Variants in EMP1 observed in about 807,000 individuals in gnomAD.
EMP1 encodes epithelial membrane protein 1, also known as tumor-associated membrane protein.
EMP1 carries 5 observed loss-of-function variants against 15.7 expected under a neutral mutation model. That is an observed-to-expected ratio of 0.32 (90% CI 0.17 to 0.67). The LOEUF is 0.67. Among genes scored for constraint, EMP1 ranks in the 30% least tolerant of loss-of-function variants. The pLI, the probability that EMP1 is intolerant of heterozygous loss-of-function variation, is 0.74. For missense variants in EMP1, 166 were observed against 194.2 expected (o/e 0.85, Z 0.86); for synonymous variants, 78 against 76.7 (o/e 1.02, Z -0.09).
intron 1 of EMP1, among the ~76,000 whole-genome samples, chr12:13,207,703 G>T (rs1164586345): frequency 1.3e-5 from 2 of 152,090 alleles, no homozygotes; most frequent in African/African-American, 4.8e-5. Flanking sequence ...GCCCCTAACT[G>T]CCCCTGTGCC....
Position 13,211,667 on chromosome 12 carries a change from G to A in EMP1, c.78+79G>A. 6.6e-7 allele frequency: 1 copy of A among 1,526,276 alleles called. No individual in the cohort carries two copies. The highest frequency in any genetic ancestry group is 1.1e-5 in the South Asian group (1 of 88,594). The allele number at this position is 1,526,276 out of a possible 1,614,324, so 94.5% of individuals were successfully genotyped here. On this transcript the variant is annotated intron_variant, in intron 2 of 4. Transcript: ENST00000256951. The surrounding 1 kb of genome is among the most constrained non-coding windows in gnomAD (Gnocchi z 4.7). Reference sequence around the variant, plus strand: ...CATCAAGTGCACAAAAGAAGTTTAAGCCACAGCCCTTGCCCTTCATGAACT... The same window carrying A: ...CATCAAGTGCACAAAAGAAGTTTAAACCACAGCCCTTGCCCTTCATGAACT...
rs972007785 is a variant in EMP1 at position 13,211,417 on chromosome 12, G to A, written c.-42-52G>A. On this transcript the variant is annotated intron_variant, in intron 1 of 4. Transcript: ENST00000256951. This position sits in a 1 kb window ranked among gnomAD's most constrained non-coding sequence, Gnocchi z 4.7. The stretch of plus-strand genomic sequence containing the variant: ...CCCACACGTGTGGGAAAGCTGAGTC[G>A]TCTTATTGAATCTGACAGTAACCGT... The A allele has an allele frequency of 1.5e-5, 20 of 1,291,286 alleles. No individual in the cohort carries two copies. The highest frequency in any genetic ancestry group is 1.8e-4 in the Middle Eastern group (1 of 5,452). The allele number at this position is 1,291,286 out of a possible 1,614,324, so 80.0% of individuals were successfully genotyped here.
intron 2 of EMP1, among the ~76,000 whole-genome samples, chr12:13,212,517 C>T (rs1037772572): frequency 2.0e-5 from 3 of 152,206 alleles, no homozygotes; most frequent in East Asian, 3.8e-4. Flanking sequence ...AGACAACCCC[C>T]GCCCACGTGA....
At chr12:13,213,914 A>G (rs543426840) in intron 4 of EMP1, 93 bp downstream of exon 4, 23 of 1,550,518 alleles carry the variant, frequency 1.5e-5, no homozygotes, top group South Asian at 3.3e-5. Context: ...CACATGGTTC[A>G]GTGAAACTTC....
intron 1 of EMP1, among the ~76,000 whole-genome samples, chr12:13,203,337 G>A (rs1019805004): frequency 3.3e-5 from 5 of 152,300 alleles, no homozygotes; most frequent in African/African-American, 7.2e-5. Flanking sequence ...AGGGAACATC[G>A]CCTGATCCCT....
At chr12:13,200,488 C>T (rs1467955566) in intron 1 of EMP1, among the ~76,000 whole-genome samples, 2 of 152,196 alleles carry the variant, frequency 1.3e-5, no homozygotes, top group African/African-American at 4.8e-5. Context: ...TTCTAATACT[C>T]TTCCCAGATC....
chr12:13,211,807 T>G lies in EMP1; in HGVS notation c.78+219T>G. On this transcript the variant is annotated intron_variant, in intron 2 of 4. Coordinates refer to ENST00000256951, the MANE Select transcript of EMP1 (RefSeq NM_001423.3). The surrounding 1 kb of genome is among the most constrained non-coding windows in gnomAD (Gnocchi z 4.7). ...GTAATCCTGCCAGAGCTGTAGGTGG[T>G]TAAGGGCTGGAGGATCTAGTGCAGC... The G allele has an allele frequency of 1.8e-6, 1 of 571,348 alleles. No homozygotes were observed. Among genetic ancestry groups the G allele is most frequent in the Non-Finnish European group, 3.1e-6 (1 of 325,200 alleles). 35.4% of individuals were successfully genotyped at this position (571,348 alleles called of 1,614,324 possible).
chr12:13,201,567 C>T (rs1043386752), intron 1 of EMP1, among the ~76,000 whole-genome samples: 2 of 152,108 alleles, frequency 1.3e-5, no homozygotes, highest in Admixed American at 1.3e-4. Context: ...AATAGGGCAA[C>T]GTGTGGCATT....
intron 1 of EMP1, among the ~76,000 whole-genome samples, chr12:13,210,144 T>A (rs1864151723): frequency 6.6e-6 from 1 of 152,204 alleles, no homozygotes; most frequent in African/African-American, 2.4e-5. Context: ...AGTGTTGGAA[T>A]TATAGTATCA....
At chr12:13,198,793 A>G (rs910436513) in intron 1 of EMP1, among the ~76,000 whole-genome samples, 7 of 152,248 alleles carry the variant, frequency 4.6e-5, no homozygotes, top group Non-Finnish European at 8.8e-5. Context: ...AATATGCTAC[A>G]TGTTACTTCC....
Position 13,213,484 on chromosome 12 carries a change from G to A in EMP1, c.84G>A (p.Trp28Ter), listed in dbSNP as rs1307879296. The change falls in exon 3 of 5, where the codon TGG becomes TGA. Residue 28 changes from tryptophan (W) to a stop codon, truncating the protein, a stop_gained. Transcript: ENST00000256951. LOFTEE classifies it high-confidence loss of function. ...MLFVSTIANV[W>*]LVSNTVDASV... ...TTCTTTCCTTCTGGTTTCAGGTCTG[G>A]TTGGTTTCCAATACGGTAGATGCAT... The A allele has an allele frequency of 5.0e-6, 8 of 1,614,122 alleles. No individual in the cohort carries two copies. Among genetic ancestry groups the A allele is most frequent in the Non-Finnish European group, 6.8e-6 (8 of 1,179,992 alleles).
At position 13,217,904 on chromosome 12, in the gene EMP1, C is replaced by G. The variant is rs1864228709; in HGVS notation, c.*3213C>G. Reference sequence around the variant, plus strand: ...AGCCCAAAGTCTGCAAGGGGTGGGCCAGCAGAGAGCTGGTGCTACAGTGCG... The same window carrying G: ...AGCCCAAAGTCTGCAAGGGGTGGGCGAGCAGAGAGCTGGTGCTACAGTGCG... On this transcript the variant is annotated 3_prime_UTR_variant, in exon 5 of 5. Transcript: ENST00000256951. The G allele has an allele frequency of 6.6e-6, 1 of 152,092 alleles. No homozygotes were observed. The highest frequency in any genetic ancestry group is 2.4e-5 in the African/African-American group (1 of 41,428). The allele number at this position is 152,092 out of a possible 1,614,324, so 9.4% of individuals were successfully genotyped here. A position where few individuals can be genotyped will look rare whatever the true frequency, so the allele number is the denominator to read the frequency against.
intron 1 of EMP1, among the ~76,000 whole-genome samples, chr12:13,201,713 G>C (rs187174937): frequency 6.6e-6 from 1 of 152,042 alleles, no homozygotes; most frequent in Non-Finnish European, 1.5e-5. Flanking sequence ...GCATTCACTC[G>C]GCACTAGGAA....
chr12:13,214,029 C>T (rs553028446), intron 4 of EMP1: 12 of 773,912 alleles, frequency 1.6e-5, no homozygotes, highest in Admixed American at 4.0e-5. Context: ...ACCAGTGCTC[C>T]TGGGTAGCTA....
At chr12:13,200,320 A>G (rs552049898) in intron 1 of EMP1, among the ~76,000 whole-genome samples, 1 of 152,044 alleles carries the variant, frequency 6.6e-6, no homozygotes, top group Non-Finnish European at 1.5e-5. Context: ...ACACCTATAC[A>G]TTGTCACCAC....
intron 1 of EMP1, chr12:13,199,640 C>T (rs1864045838): frequency 6.6e-6 from 1 of 152,182 alleles, no homozygotes; most frequent in Admixed American, 6.5e-5. Flanking sequence ...CTAATTTTTA[C>T]ACCATCTTGA....
Position 13,211,721 on chromosome 12 carries a change from A to T in EMP1, c.78+133A>T. The T allele has an allele frequency of 1.1e-6, 1 of 905,296 alleles. No homozygotes were observed. Among genetic ancestry groups the T allele is most frequent in the East Asian group, 2.4e-5 (1 of 41,306 alleles). 56.1% of individuals were successfully genotyped at this position (905,296 alleles called of 1,614,324 possible). On this transcript the variant is annotated intron_variant, in intron 2 of 4. Coordinates refer to ENST00000256951, the MANE Select transcript of EMP1 (RefSeq NM_001423.3). This position sits in a 1 kb window ranked among gnomAD's most constrained non-coding sequence, Gnocchi z 4.7. Reference sequence around the variant, plus strand: ...AGCTCAGTTGTGGGAAAACAAAATAAACACACGCTTGCCCTTCAAACAATT... The same window carrying T: ...AGCTCAGTTGTGGGAAAACAAAATATACACACGCTTGCCCTTCAAACAATT...
At chr12:13,214,144 A>G in intron 4 of EMP1, 2 of 605,580 alleles carry the variant, frequency 3.3e-6, no homozygotes, top group South Asian at 2.0e-5. Context: ...CACAATGCAC[A>G]TCATTATTGT....
At chr12:13,200,275 T>C (rs1403396732) in intron 1 of EMP1, among the ~76,000 whole-genome samples, 1 of 152,168 alleles carries the variant, frequency 6.6e-6, no homozygotes, top group African/African-American at 2.4e-5. Context: ...CTTTTGGGGA[T>C]TGTCCCATAA....
Sources: allele counts gnomAD v4.1 joint callset (sites outside exome capture counted in the v4.1 genomes callset), GRCh38; gene constraint gnomAD v4.1.1; non-coding constraint Gnocchi (gnomAD v3.1); transcripts MANE v1.5; gene names NCBI Gene and HGNC (gene_info 2026-07-23, HGNC 2026-07-21).